CAMK1G: variants seen among roughly 807,000 people sequenced by gnomAD.
The protein encoded by CAMK1G is calcium/calmodulin dependent protein kinase IG, also known as calcium/calmodulin-dependent protein kinase type 1G.
Under a neutral mutation model 54.8 loss-of-function variants are expected in CAMK1G, and 27 were observed. The observed-to-expected ratio is 0.49, with a 90% confidence interval of 0.36 to 0.68. CAMK1G has a LOEUF of 0.68. Among genes scored for constraint, CAMK1G ranks in the 30% least tolerant of loss-of-function variants. The pLI is 0.00. For synonymous variants in CAMK1G, 238 were observed against 224.9 expected (o/e 1.06, Z -0.52); for missense variants, 512 against 591.0 (o/e 0.87, Z 1.39).
intron 1 of CAMK1G, among the ~76,000 whole-genome samples, chr1:209,586,851 C>T (rs1312147274): frequency 1.3e-5 from 2 of 152,066 alleles, no homozygotes; most frequent in Non-Finnish European, 1.5e-5. Flanking sequence ...CGCATGAAGC[C>T]CTAGAGAATG....
chr1:209,612,149 A>T lies in CAMK1G; in HGVS notation c.1273A>T (p.Ile425Phe), dbSNP rs754816814. 3.7e-6 allele frequency: 6 copies of T among 1,614,222 alleles called. No individual in the cohort carries two copies. In the East Asian group the frequency reaches 1.1e-4, roughly 30 times the overall value. Residue 425 changes from isoleucine to phenylalanine, a missense_variant, in exon 11 of 13, where the codon ATT (isoleucine) becomes TTT (phenylalanine). By Grantham distance (21) the Ile-to-Phe change is conservative (BLOSUM62 0). Coordinates refer to ENST00000361322, the MANE Select transcript of CAMK1G (RefSeq NM_020439.3). ...TGGCTGCTGCTCCAGCTGCCTGAACATTGGGAGCAAAGGAAAGTCCTCCTA... is the reference window on the plus strand; with the variant it reads ...TGGCTGCTGCTCCAGCTGCCTGAACTTTGGGAGCAAAGGAAAGTCCTCCTA... ...PCGCCSSCLN[I>F]GSKGKSSYCS...
intron 3 of CAMK1G, among the ~76,000 whole-genome samples, chr1:209,602,916 C>T (rs1665563976): frequency 6.8e-6 from 1 of 147,704 alleles, no homozygotes; most frequent in Non-Finnish European, 1.5e-5. Context: ...CTCCATTCTT[C>T]TAACTGTCTC....
intron 2 of CAMK1G, 140 bp from the exon 3 acceptor site, chr1:209,599,843 C>A: frequency 2.0e-6 from 2 of 993,252 alleles, no homozygotes; most frequent in East Asian, 3.0e-5. Context: ...CCTGATGTTT[C>A]TTCCAGATTT....
chr1:209,608,217 C>A (rs1406682259), intron 7 of CAMK1G, among the ~76,000 whole-genome samples: 3 of 152,218 alleles, frequency 2.0e-5, no homozygotes, highest in African/African-American at 4.8e-5. Context: ...ACCCCTGCCC[C>A]TTTTACTGCC....
At position 209,611,981 on chromosome 1, in the gene CAMK1G, G is replaced by T. The variant is rs1284756895; in HGVS notation, c.1105G>T (p.Ala369Ser). ...CCTGGACCACAGTGTAGCACTCCCT[G>T]CCCTGACCCAATTACCCTGCCAGCA... is the stretch of plus-strand genomic sequence containing the variant. ...PVLDHSVALP[A>S]LTQLPCQHGR... Residue 369 changes from alanine (A) to serine (S), a missense_variant, in exon 11 of 13, where the codon GCC (alanine) becomes TCC (serine). Around this residue, in one of 3 missense-constraint regions of CAMK1G, gnomAD observed 315 missense variants for 330.5 expected, o/e 0.95. Transcript: ENST00000361322. The T allele has an allele frequency of 1.2e-6, 2 of 1,614,138 alleles. No individual in the cohort carries two copies. The highest frequency in any genetic ancestry group is 4.5e-5 in the East Asian group (2 of 44,882).
chr1:209,607,975 G>C, intron 7 of CAMK1G, 42 bp downstream of exon 7: 1 of 1,505,678 alleles, frequency 6.6e-7, no homozygotes, highest in South Asian at 1.2e-5. Context: ...GAGAAGTCTC[G>C]GAGCCTGCTT....
chr1:209,587,326 CA>C (rs1665128671), intron 1 of CAMK1G, among the ~76,000 whole-genome samples: 1 of 152,088 alleles, frequency 6.6e-6, no homozygotes, highest in African/African-American at 2.4e-5. Flanking sequence ...TGAAGAATTA[CA>C]AAGCATTAGA....
At chr1:209,596,702 C>T (rs910177086) in intron 2 of CAMK1G, among the ~76,000 whole-genome samples, 22 of 142,734 alleles carry the variant, frequency 1.5e-4, no homozygotes, top group African/African-American at 5.2e-4. Flanking sequence ...CACACACACA[C>T]GTACTGAGCA....
chr1:209,592,214 A>G (rs538884354), intron 1 of CAMK1G, among the ~76,000 whole-genome samples: 1 of 151,964 alleles, frequency 6.6e-6, no homozygotes, highest in Admixed American at 6.6e-5. Flanking sequence ...AGGCGTGTTG[A>G]TGCATGCCTG....
intron 2 of CAMK1G, among the ~76,000 whole-genome samples, chr1:209,596,791 G>A (rs1047855962): frequency 6.6e-6 from 1 of 151,608 alleles, no homozygotes; most frequent in Non-Finnish European, 1.5e-5. Flanking sequence ...TAAAATAAAG[G>A]CATTTTCACA....
At chr1:209,586,297 C>G (rs553620388) in intron 1 of CAMK1G, among the ~76,000 whole-genome samples, 55 of 151,130 alleles carry the variant, frequency 3.6e-4, no homozygotes, top group African/African-American at 1.3e-3. Context: ...GAAAAGTGCC[C>G]CAGTGGAGAC....
At chr1:209,601,553 A>G (rs1665526894) in intron 3 of CAMK1G, among the ~76,000 whole-genome samples, 1 of 152,224 alleles carries the variant, frequency 6.6e-6, no homozygotes, top group South Asian at 2.1e-4. Flanking sequence ...ATATTAGGGC[A>G]AAGAAAGACT....
rs138641102 is a variant in CAMK1G at position 209,593,086 on chromosome 1, G to T, written c.-29-1869G>T. ...ATTTAACCTTTACCATATCTTAAAG[G>T]GTTTTGTCCCCACTTTACAGATAAG... On this transcript the variant is annotated intron_variant, in intron 1 of 12. Transcript: ENST00000361322. Among the ~76,000 whole-genome samples, 24 of 152,294 alleles carry T rather than the reference G, an allele frequency of 1.6e-4. 1 individual carries two copies. The East Asian group carries it at 3.9e-3, about 24-fold the overall frequency.
At chr1:209,603,040 T>C (rs1014499360) in intron 3 of CAMK1G, among the ~76,000 whole-genome samples, 174 bp from the exon 4 acceptor site, 38 of 152,242 alleles carry the variant, frequency 2.5e-4, no homozygotes, top group Admixed American at 2.5e-3. Context: ...CACAGGAATC[T>C]TTTCTCTGGG....
chr1:209,594,705 C>T (rs945865020), intron 1 of CAMK1G, among the ~76,000 whole-genome samples: 6 of 152,360 alleles, frequency 3.9e-5, no homozygotes, highest in Admixed American at 3.9e-4. Flanking sequence ...CACGTACTTA[C>T]TATTGCCCTG....
Position 209,612,793 on chromosome 1 carries a change from A to T in CAMK1G, c.1349A>T (p.Lys450Met). 1 of 1,613,988 alleles carries T rather than the reference A, an allele frequency of 6.2e-7. No homozygotes were observed. The highest frequency in any genetic ancestry group is 8.5e-7 in the Non-Finnish European group (1 of 1,179,898). ...CTTCATTTCCTTTCTAGGAACTTCA[A>T]GTCGGAGGTCATGGTACCAGTTAAA... The part of the protein sequence containing the change: ...LKKANKKQNF[K>M]SEVMVPVKAS... Residue 450 changes from lysine (K) to methionine (M), a missense_variant, in exon 12 of 13, where the codon AAG (lysine) becomes ATG (methionine). Physicochemically the swap from Lys to Met is moderately conservative, Grantham distance 95. Around this residue, in one of 3 missense-constraint regions of CAMK1G, gnomAD observed 315 missense variants for 330.5 expected, o/e 0.95. Coordinates refer to ENST00000361322, the MANE Select transcript of CAMK1G (RefSeq NM_020439.3).
intron 11 of CAMK1G, among the ~76,000 whole-genome samples, chr1:209,612,564 C>A (rs750081589): frequency 1.1e-4 from 16 of 152,240 alleles, no homozygotes; most frequent in Non-Finnish European, 2.2e-4. Flanking sequence ...AAGTGGTGAG[C>A]ATCAGATTCC....
At chr1:209,587,074 G>C (rs995484011) in intron 1 of CAMK1G, among the ~76,000 whole-genome samples, 1 of 152,040 alleles carries the variant, frequency 6.6e-6, no homozygotes, top group African/African-American at 2.4e-5. Context: ...AATGGCAGTG[G>C]CAGAAGGGCT....
rs769369395 is a variant in CAMK1G, at chr1:209,609,896, G to A, written c.794G>A (p.Arg265Gln). 9.9e-6 allele frequency: 16 copies of A among 1,613,994 alleles called. No individual in the cohort carries two copies. Among genetic ancestry groups the A allele is most frequent in the South Asian group, 3.3e-5 (3 of 91,086 alleles). ...CHLLEKDPNERYTCEKALSHP... is the reference protein window; with the variant it reads ...CHLLEKDPNEQYTCEKALSHP... The stretch of plus-strand genomic sequence containing the variant: ...TTGCTTGAGAAGGATCCGAACGAGC[G>A]GTACACCTGTGAGAAGGCCTTGAGT... Residue 265 changes from arginine to glutamine, a missense_variant, in exon 9 of 13, where the codon CGG becomes CAG. Arg to Gln is a conservative substitution (Grantham distance 43). This residue lies in a region of CAMK1G where 315 missense variants were observed against 330.5 expected (regional missense o/e 0.95). Coordinates refer to ENST00000361322, the MANE Select transcript of CAMK1G (RefSeq NM_020439.3).
Sources: gnomAD v4.1 joint callset for allele counts (sites outside exome capture counted in the v4.1 genomes callset) on GRCh38, gnomAD v4.1.1 for gene constraint, gnomAD v4.1.1 regional missense constraint, MANE v1.5 for transcripts, NCBI Gene and HGNC (gene_info 2026-07-23, HGNC 2026-07-21) for gene names.